PACS2: variants seen among roughly 807,000 people sequenced by gnomAD.
PACS2 encodes PACS1-like protein.
In PACS2, 36 loss-of-function variants were observed where a neutral mutation model predicts 113.0. That is an observed-to-expected ratio of 0.32 (90% CI 0.24 to 0.42). PACS2 has a LOEUF of 0.42. PACS2 is among the 10% of genes least tolerant of loss of function. The pLI is 1.00. For missense variants in PACS2, 1,015 were observed against 1,239.5 expected (o/e 0.82, Z 2.72); for synonymous variants, 589 against 536.1 (o/e 1.10, Z -1.36).
chr14:105,382,941 C>T (rs782151557), intron 15 of PACS2, 28 bp downstream of exon 15: 24 of 1,334,766 alleles, frequency 1.8e-5, no homozygotes, highest in Non-Finnish European at 2.6e-5. Context: ...CTGTACTCAC[C>T]ACCCAAGTAC....
At chr14:105,305,535 C>T (rs1206283217) in intron 1 of PACS2, among the ~76,000 whole-genome samples, 1 of 152,198 alleles carries the variant, frequency 6.6e-6, no homozygotes, top group African/African-American at 2.4e-5. Context: ...ACGGCATCTG[C>T]CAGCACCGTC....
upstream of PACS2, among the ~76,000 whole-genome samples, chr14:105,313,014 C>A (rs1308491334): frequency 6.6e-6 from 1 of 152,128 alleles, no homozygotes. Context: ...CTGTCACGTC[C>A]CTTAAGGGCT....
At position 105,382,803 on chromosome 14, in the gene PACS2, C is replaced by A; in HGVS notation, c.1519-4C>A. ...GAAGTCAGCGTCTGCCTGTCTTCTG[C>A]CAGTTCCTCTCCGACGTCCTGCAGA... On this transcript the variant is annotated splice_polypyrimidine_tract_variant and splice_region_variant and intron_variant, in intron 14 of 24. Transcript: ENST00000447393. The A allele has an allele frequency of 6.4e-7, 1 of 1,574,132 alleles. No individual in the cohort carries two copies.
Position 105,305,910 on chromosome 14 carries a change from C to T in PACS2, c.-83+4931C>T, listed in dbSNP as rs148307625. Among the ~76,000 whole-genome samples the T allele has an allele frequency of 4.7e-4, 71 of 152,354 alleles. 1 individual carries two copies. Among genetic ancestry groups the T allele is most frequent in the African/African-American group, 1.6e-3 (67 of 41,580 alleles). ...CAAGGCAGGACCCTCACTCGCACCGCGCCAAAGAGGACGCTGGAAACGTGC... is the reference window on the plus strand; with the variant it reads ...CAAGGCAGGACCCTCACTCGCACCGTGCCAAAGAGGACGCTGGAAACGTGC... On this transcript the variant is annotated intron_variant, in intron 1 of 23. Transcript: ENST00000430725.
chr14:105,391,580 C>A (rs782814997), intron 21 of PACS2, 51 bp from the exon 22 acceptor site: 3 of 1,579,894 alleles, frequency 1.9e-6, no homozygotes, highest in African/African-American at 1.3e-5. Flanking sequence ...CTGGTGGCAC[C>A]CGGGCAGAGC....
At chr14:105,391,521 G>GCCC in intron 21 of PACS2, 110 bp from the exon 22 acceptor site, 2 of 413,378 alleles carry the variant, frequency 4.8e-6, no homozygotes, top group African/African-American at 2.1e-5. Flanking sequence ...CTCCCACCCT[G>GCCC]CCCACCCCCA....
chr14:105,375,399 A>G (rs1595738609), intron 8 of PACS2, among the ~76,000 whole-genome samples: 3 of 144,746 alleles, frequency 2.1e-5, no homozygotes, highest in Admixed American at 7.1e-5. Context: ...AATGGCGTGA[A>G]CCCGGGAGGC....
intron 19 of PACS2, among the ~76,000 whole-genome samples, chr14:105,386,805 A>G (rs1555413680): frequency 2.0e-5 from 3 of 152,122 alleles, no homozygotes; most frequent in Admixed American, 6.5e-5. Context: ...TGAACATCCT[A>G]TGTCTTGTCC....
At chr14:105,328,218 C>G (rs1193227135) in intron 1 of PACS2, among the ~76,000 whole-genome samples, 1 of 152,218 alleles carries the variant, frequency 6.6e-6, no homozygotes, top group Non-Finnish European at 1.5e-5. Flanking sequence ...TGGCTTATGC[C>G]ACACCCCCTG....
At position 105,376,041 on chromosome 14, in the gene PACS2, G is replaced by C. The variant is rs1036720206; in HGVS notation, c.802-727G>C. On this transcript the variant is annotated intron_variant, in intron 8 of 24. Transcript: ENST00000447393. This position sits in a 1 kb window ranked among gnomAD's most constrained non-coding sequence, Gnocchi z 4.7. Reference sequence around the variant, plus strand: ...CTTCTTTATGGGGCAGCAGGTCGGAGTGGGTGCCTGCAGGGGAAATACAAG... The same window carrying C: ...CTTCTTTATGGGGCAGCAGGTCGGACTGGGTGCCTGCAGGGGAAATACAAG... Among the ~76,000 whole-genome samples the C allele has an allele frequency of 6.6e-6, 1 of 152,200 alleles. No individual in the cohort carries two copies. Among genetic ancestry groups the C allele is most frequent in the Non-Finnish European group, 1.5e-5 (1 of 68,044 alleles).
At chr14:105,384,827 T>C in intron 17 of PACS2, 52 bp from the exon 18 acceptor site, 1 of 1,237,176 alleles carries the variant, frequency 8.1e-7, no homozygotes, top group Non-Finnish European at 1.2e-6. Flanking sequence ...TAGCCCCGCC[T>C]GCAACCCCAC....
At chr14:105,335,705 C>A (rs587724193) in intron 1 of PACS2, among the ~76,000 whole-genome samples, 1 of 152,194 alleles carries the variant, frequency 6.6e-6, no homozygotes, top group African/African-American at 2.4e-5. Context: ...TGACCACTGG[C>A]CAACGAGGAC....
At chr14:105,338,736 C>G (rs2059617539) in intron 1 of PACS2, among the ~76,000 whole-genome samples, 1 of 152,222 alleles carries the variant, frequency 6.6e-6, no homozygotes, top group Non-Finnish European at 1.5e-5. Context: ...TAGCAGTGCC[C>G]CATGCCACTG....
At position 105,391,240 on chromosome 14, in the gene PACS2, G is replaced by A. The variant is rs1555414742; in HGVS notation, c.2110G>A (p.Ala704Thr). ...VKVGIVEPSS[A>T]TSGDSDDAAP... ...GGTTGGAATTGTGGAGCCATCCTCG[G>A]CCACATCAGGTAACCCCGTCCCACC... Residue 704 changes from alanine (A) to threonine (T), a missense_variant, in exon 21 of 25, where the codon GCC (alanine) becomes ACC (threonine). Physicochemically the swap from Ala to Thr is moderately conservative, Grantham distance 58. Coordinates refer to ENST00000447393, the MANE Select transcript of PACS2 (RefSeq NM_001100913.3). 1 of 1,612,606 alleles carries A rather than the reference G, an allele frequency of 6.2e-7. No individual in the cohort carries two copies. Among genetic ancestry groups the A allele is most frequent in the Non-Finnish European group, 8.5e-7 (1 of 1,178,998 alleles).
chr14:105,307,279 C>G (rs1230362625), intron 1 of PACS2, among the ~76,000 whole-genome samples: 1 of 152,118 alleles, frequency 6.6e-6, no homozygotes, highest in Non-Finnish European at 1.5e-5. Flanking sequence ...CTCCTGCATT[C>G]CTGAACACTA....
At chr14:105,341,591 C>T (rs2059726707) in intron 1 of PACS2, among the ~76,000 whole-genome samples, 1 of 152,190 alleles carries the variant, frequency 6.6e-6, no homozygotes, top group South Asian at 2.1e-4. Context: ...GTGCACCTGG[C>T]CTGGGCAAAC....
chr14:105,387,705 C>T (rs74090528), intron 19 of PACS2, among the ~76,000 whole-genome samples: 2 of 152,242 alleles, frequency 1.3e-5, no homozygotes, highest in East Asian at 1.9e-4. Context: ...CTCCTGCATT[C>T]GGCCCTCATC....
At position 105,376,859 on chromosome 14, in the gene PACS2, C is replaced by T. The variant is rs1555410594; in HGVS notation, c.893C>T (p.Pro298Leu). The T allele has an allele frequency of 1.2e-6, 2 of 1,613,158 alleles. No homozygotes were observed. The highest frequency in any genetic ancestry group is 1.7e-5 in the Admixed American group (1 of 59,998). The part of the protein sequence containing the change: ...LLYDTLDMEH[P>L]SDSGPDMEDD... ...TATGACACCCTGGACATGGAGCACCCCAGCGACAGCGGCCCCGACATGGAG... is the reference window on the plus strand; with the variant it reads ...TATGACACCCTGGACATGGAGCACCTCAGCGACAGCGGCCCCGACATGGAG... Residue 298 changes from proline (P) to leucine (L), a missense_variant, in exon 9 of 25, where the codon CCC becomes CTC. Coordinates refer to ENST00000447393, the MANE Select transcript of PACS2 (RefSeq NM_001100913.3). This position sits in a 1 kb window ranked among gnomAD's most constrained non-coding sequence, Gnocchi z 4.7.
At chr14:105,325,021 C>T (rs929757605) in intron 1 of PACS2, among the ~76,000 whole-genome samples, 16 of 152,170 alleles carry the variant, frequency 1.1e-4, no homozygotes, top group Non-Finnish European at 1.9e-4. Context: ...CTCCACTGCC[C>T]CAACCAGCCT....
Sources: allele counts gnomAD v4.1 joint callset (sites outside exome capture counted in the v4.1 genomes callset), GRCh38; gene constraint gnomAD v4.1.1; non-coding constraint Gnocchi (gnomAD v3.1); transcripts MANE v1.5; gene names NCBI Gene and HGNC (gene_info 2026-07-23, HGNC 2026-07-21).